Variants in ADRA2B observed in about 807,000 individuals in gnomAD.
ADRA2B encodes the protein adrenoceptor alpha 2B.
In ADRA2B, 14 loss-of-function variants were observed where a neutral mutation model predicts 14.4. That is an observed-to-expected ratio of 0.97 (90% CI 0.64 to 1.52). The LOEUF (loss-of-function observed/expected upper bound fraction) is 1.52, where lower values mean the gene tolerates loss of function less well. ADRA2B is among the 40% of genes most tolerant of loss of function. ADRA2B has a pLI of 0.00. For synonymous variants in ADRA2B, 250 were observed against 263.7 expected, an observed-to-expected ratio of 0.95 and a Z score of 0.50; for missense variants, 606 against 603.2, an observed-to-expected ratio of 1.00 and a Z score of -0.05.
At position 96,115,015 on chromosome 2, in the gene ADRA2B, C is replaced by A; in HGVS notation, c.1135G>T (p.Val379Phe). ...AAGGGGAACCAGCAGAGCACAAAAA[C>A]GCCAATGACCACAGCCAGCACGAAG... ...FTFVLAVVIG[V>F]FVLCWFPFFF... The change falls in exon 1 of 1, where the codon GTT (valine) becomes TTT (phenylalanine). Residue 379 changes from valine (V) to phenylalanine (F), a missense_variant. Physicochemically the swap from Val to Phe is conservative, Grantham distance 50. Transcript: ENST00000620793. 6.2e-7 allele frequency: 1 copy of A among 1,613,764 alleles called. No individual in the cohort carries two copies. Among genetic ancestry groups the A allele is most frequent in the Non-Finnish European group, 8.5e-7 (1 of 1,179,766 alleles).
chr2:96,116,211 G>A lies in ADRA2B; in HGVS notation c.-62C>T. On this transcript the variant is annotated 5_prime_UTR_variant, in exon 1 of 1. Coordinates refer to ENST00000620793, the MANE Select transcript of ADRA2B (RefSeq NM_000682.7). Reference sequence around the variant, plus strand: ...CCCAGTGCGCACCGTGGACGACAGCGCTGCCCGGCTCGGCTAGACAAGAGC... The same window carrying A: ...CCCAGTGCGCACCGTGGACGACAGCACTGCCCGGCTCGGCTAGACAAGAGC... 2.1e-6 allele frequency: 3 copies of A among 1,445,860 alleles called. No homozygotes were observed. Among genetic ancestry groups the A allele is most frequent in the South Asian group, 2.4e-5 (2 of 82,800 alleles). The allele number at this position is 1,445,860 out of a possible 1,614,324, so 89.6% of individuals were successfully genotyped here.
In ADRA2B at chr2:96,116,138, C is replaced by T. The variant is rs1238470549; in HGVS notation, c.12G>A (p.Gln4=). Reference sequence around the variant, plus strand: ...CTGTGGCCTGCACGGAGTAGGGGTCCTGGTGGTCCATGACGGGGCGGGAGG... The same window carrying T: ...CTGTGGCCTGCACGGAGTAGGGGTCTTGGTGGTCCATGACGGGGCGGGAGG... MDH[Q]DPYSVQATAA... Residue 4 remains glutamine, a synonymous_variant, in exon 1 of 1, where the codon CAG becomes CAA. Transcript: ENST00000620793. 1.2e-6 allele frequency: 2 copies of T among 1,610,128 alleles called. No homozygotes were observed. The highest frequency in any genetic ancestry group is 1.7e-6 in the Non-Finnish European group (2 of 1,178,818).
rs4066772 is a variant in ADRA2B at position 96,115,238 on chromosome 2, CTCCTCCTCT to C, written c.903_911del (p.Glu307_Glu309del). 496,227 of 1,557,570 alleles carry C rather than the reference CTCCTCCTCT, an allele frequency of 0.32. 81,834 individuals are homozygous for C. The highest frequency in any genetic ancestry group is 0.4 in the East Asian group (16,506 of 41,510). On this transcript the variant is annotated inframe_deletion, in exon 1 of 1. Transcript: ENST00000620793. ...GGGGTTCACACTCTTCCTCCTCCTC[CTCCTCCTCT>C]TCCTCCTCTTCAGCTTCATCCTCTG...
rs771862395 is a variant in ADRA2B at position 96,114,910 on chromosome 2, T to C, written c.1240A>G (p.Ile414Val). The C allele has an allele frequency of 3.5e-5, 56 of 1,613,912 alleles. No homozygotes were observed. In the South Asian group the frequency reaches 4.4e-4, roughly 13 times the overall value. Residue 414 changes from isoleucine to valine, a missense_variant, in exon 1 of 1, where the codon ATC becomes GTC. Transcript: ENST00000620793. ...TTCAGTGAGCTGTTGCAGTAGCCGA[T>C]CCAGAAGAAGAACTGGAAGAGGCCA... ...PHGLFQFFFW[I>V]GYCNSSLNPV...
chr2:96,115,327 C>A lies in ADRA2B; in HGVS notation c.823G>T (p.Ala275Ser). ...CCCTGGCCTGAGTTGGGAAGGGCAG[C>A]CCAACTGGGTGGCAAGGCCCGGGTC... ...TGTRALPPSW[A>S]ALPNSGQGQK... Residue 275 changes from alanine to serine, a missense_variant, in exon 1 of 1, where the codon GCT becomes TCT. Physicochemically the swap from Ala to Ser is moderately conservative, Grantham distance 99 (BLOSUM62 1). Transcript: ENST00000620793. 6.3e-7 allele frequency: 1 copy of A among 1,599,584 alleles called. No homozygotes were observed. Among genetic ancestry groups the A allele is most frequent in the Middle Eastern group, 1.7e-4 (1 of 5,996 alleles).
chr2:96,115,480 C>T lies in ADRA2B; in HGVS notation c.670G>A (p.Asp224Asn), dbSNP rs779198872. 2.2e-5 allele frequency: 35 copies of T among 1,613,326 alleles called. No homozygotes were observed. The highest frequency in any genetic ancestry group is 2.7e-5 in the Non-Finnish European group (32 of 1,179,852). Residue 224 changes from aspartate to asparagine, a missense_variant, in exon 1 of 1, where the codon GAC becomes AAC. Asp to Asn is a conservative substitution (Grantham distance 23). Coordinates refer to ENST00000620793, the MANE Select transcript of ADRA2B (RefSeq NM_000682.7). ...GCTGAGGCCAAAGCCCCACCATGGT[C>T]GGGTCGGGGCTGCTTGGACTCACCC... ...GQGESKQPRP[D>N]HGGALASAKL...
chr2:96,114,815 C>T lies in ADRA2B; in HGVS notation c.1335G>A (p.Trp445Ter), dbSNP rs751939546. Reference sequence around the variant, plus strand: ...GGCGGGCTCACCAGGCCGTCTGGGTCCACGGGCGGCACAGGATCCTCCGGA... The same window carrying T: ...GGCGGGCTCACCAGGCCGTCTGGGTTCACGGGCGGCACAGGATCCTCCGGA... ...RAFRRILCRPWTQTAW is the reference protein window; with the variant it reads ...RAFRRILCRP Residue 445 changes from tryptophan (W) to a stop codon, truncating the protein, a stop_gained, in exon 1 of 1, where the codon TGG becomes TGA. Coordinates refer to ENST00000620793, the MANE Select transcript of ADRA2B (RefSeq NM_000682.7). LOFTEE classifies it high-confidence loss of function. The T allele has an allele frequency of 1.9e-5, 31 of 1,612,592 alleles. No individual in the cohort carries two copies. The African/African-American group carries it at 3.3e-4, about 17-fold the overall frequency.
Position 96,115,188 on chromosome 2 carries a change from G to A in ADRA2B, c.962C>T (p.Ser321Leu). ...CTGCTGCAGCGGGGGGCTGCAAGCT[G>A]AGGCCGGAGACACTGGCACTGCCTG... is the stretch of plus-strand genomic sequence containing the variant. ...EPQAVPVSPA[S>L]ACSPPLQQPQ... The change falls in exon 1 of 1, where the codon TCA becomes TTA. Residue 321 changes from serine (S) to leucine (L), a missense_variant. Transcript: ENST00000620793. 1 of 1,566,686 alleles carries A rather than the reference G, an allele frequency of 6.4e-7. No homozygotes were observed.
In ADRA2B at chr2:96,115,280, C is replaced by T; in HGVS notation, c.870G>A (p.Gly290=). The change falls in exon 1 of 1, where the codon GGG becomes GGA. Residue 290 remains glycine, a synonymous_variant. Coordinates refer to ENST00000620793, the MANE Select transcript of ADRA2B (RefSeq NM_000682.7). ...CTTCAGCTTCATCCTCTGGAGATGC[C>T]CCACAAACACCCTCCTTCTGGCCCT... ...SGQGQKEGVC[G]ASPEDEAEEE... 2 of 1,572,172 alleles carry T rather than the reference C, an allele frequency of 1.3e-6. No individual in the cohort carries two copies. Among genetic ancestry groups the T allele is most frequent in the East Asian group, 2.3e-5 (1 of 42,998 alleles).
Position 96,116,093 on chromosome 2 carries a change from G to A in ADRA2B, c.57C>T (p.Ile19=). The change falls in exon 1 of 1, where the codon ATC becomes ATT. Residue 19 remains isoleucine, a synonymous_variant. Transcript: ENST00000620793. ...AGATGGTAAAGAGAATGAGGAAGGT[G>A]ATGGCCGCCGCTATGGCCGCTGTGG... is the stretch of plus-strand genomic sequence containing the variant. ...VQATAAIAAA[I]TFLILFTIFG... 6.2e-7 allele frequency: 1 copy of A among 1,612,032 alleles called. No homozygotes were observed. The highest frequency in any genetic ancestry group is 8.5e-7 in the Non-Finnish European group (1 of 1,179,484).
Position 96,114,216 on chromosome 2 carries a change from A to T in ADRA2B, c.*581T>A. The T allele has an allele frequency of 2.0e-6, 2 of 985,922 alleles. No homozygotes were observed. The highest frequency in any genetic ancestry group is 2.4e-6 in the Non-Finnish European group (2 of 830,354). 61.1% of individuals were successfully genotyped at this position (985,922 alleles called of 1,614,324 possible). A position where few individuals can be genotyped will look rare whatever the true frequency, so the allele number is the denominator to read the frequency against. On this transcript the variant is annotated 3_prime_UTR_variant, in exon 1 of 1. Coordinates refer to ENST00000620793, the MANE Select transcript of ADRA2B (RefSeq NM_000682.7). ...CAGATCCGAAAACAGGCAAAGGGGG[A>T]AAGGAGGGCCCAGAGACGATGCCAC...
chr2:96,114,806 C>T lies in ADRA2B; in HGVS notation c.1344G>A (p.Thr448=), dbSNP rs752731456. 10 of 1,611,556 alleles carry T rather than the reference C, an allele frequency of 6.2e-6. No individual in the cohort carries two copies. The highest frequency in any genetic ancestry group is 4.0e-5 in the African/African-American group (3 of 74,908). The change falls in exon 1 of 1, where the codon ACG becomes ACA. Residue 448 remains threonine (T), a synonymous_variant. Transcript: ENST00000620793. ...RRILCRPWTQ[T]AW Reference sequence around the variant, plus strand: ...GGCAGCGCAGGCGGGCTCACCAGGCCGTCTGGGTCCACGGGCGGCACAGGA... The same window carrying T: ...GGCAGCGCAGGCGGGCTCACCAGGCTGTCTGGGTCCACGGGCGGCACAGGA...
Position 96,114,282 on chromosome 2 carries a change from T to C in ADRA2B, c.*515A>G, listed in dbSNP as rs937824429. 1 of 988,984 alleles carries C rather than the reference T, an allele frequency of 1.0e-6. No homozygotes were observed. The highest frequency in any genetic ancestry group is 1.7e-5 in the African/African-American group (1 of 57,360). The allele number at this position is 988,984 out of a possible 1,614,324, so 61.3% of individuals were successfully genotyped here. Reference sequence around the variant, plus strand: ...CCCAGCGCCTGCCAGGGACCGCGAGTGCCTAGCGTGGGTGATCAGTCTTCG... The same window carrying C: ...CCCAGCGCCTGCCAGGGACCGCGAGCGCCTAGCGTGGGTGATCAGTCTTCG... On this transcript the variant is annotated 3_prime_UTR_variant, in exon 1 of 1. Coordinates refer to ENST00000620793, the MANE Select transcript of ADRA2B (RefSeq NM_000682.7).
rs1014236587 is a variant in ADRA2B, at chr2:96,113,174, G to A, written c.*1623C>T. On this transcript the variant is annotated 3_prime_UTR_variant, in exon 1 of 1. Coordinates refer to ENST00000620793, the MANE Select transcript of ADRA2B (RefSeq NM_000682.7). ...CTCTCTACACCCAGAAAACTCCCTC[G>A]GTGCCCTTCCAAATCTAGCAGGTCC... 8.0e-5 allele frequency: 32 copies of A among 398,562 alleles called. No individual in the cohort carries two copies. Among genetic ancestry groups the A allele is most frequent in the Middle Eastern group, 6.3e-4 (1 of 1,590 alleles). The allele number at this position is 398,562 out of a possible 1,614,324, so 24.7% of individuals were successfully genotyped here. A position where few individuals can be genotyped will look rare whatever the true frequency, so the allele number is the denominator to read the frequency against.
At position 96,115,430 on chromosome 2, in the gene ADRA2B, C is replaced by T; in HGVS notation, c.720G>A (p.Val240=). The T allele has an allele frequency of 6.2e-7, 1 of 1,611,636 alleles. No homozygotes were observed. The change falls in exon 1 of 1, where the codon GTG becomes GTA. Residue 240 remains valine, a synonymous_variant. Transcript: ENST00000620793. ...ASAKLPALAS[V]ASAREVNGHS... is the part of the protein sequence containing the mutation. ...GTCCGTTGACCTCTCTGGCAGAAGC[C>T]ACAGAGGCCAGGGCTGGCAGTTTGG... is the stretch of plus-strand genomic sequence containing the variant.
Position 96,113,849 on chromosome 2 carries a change from C to G in ADRA2B, c.*948G>C. The G allele has an allele frequency of 1.3e-5, 13 of 976,792 alleles. No homozygotes were observed. Among genetic ancestry groups the G allele is most frequent in the Non-Finnish European group, 1.6e-5 (13 of 821,718 alleles). 60.5% of individuals were successfully genotyped at this position (976,792 alleles called of 1,614,324 possible). ...CCAGTTCGGGGTAGGAATTCACACA[C>G]CCCAGGGACAGAACAAAAGTCTACA... is the stretch of plus-strand genomic sequence containing the variant. On this transcript the variant is annotated 3_prime_UTR_variant, in exon 1 of 1. Transcript: ENST00000620793.
At position 96,116,020 on chromosome 2, in the gene ADRA2B, G is replaced by A. The variant is rs183046877; in HGVS notation, c.130C>T (p.Arg44Cys). The A allele has an allele frequency of 4.3e-5, 70 of 1,613,548 alleles. No individual in the cohort carries two copies. The East Asian group carries it at 1.3e-3, about 30-fold the overall frequency. ...ACCAGGAACAGGTTCTGAGGGGCGC[G>A]CAGCGAGCGGCTGGTCAACACAGCC... ...ILAVLTSRSL[R>C]APQNLFLVSL... Residue 44 changes from arginine (R) to cysteine (C), a missense_variant, in exon 1 of 1, where the codon CGC (arginine) becomes TGC (cysteine). By Grantham distance (180) the Arg-to-Cys change is radical. Transcript: ENST00000620793.
In ADRA2B at chr2:96,116,292, G is replaced by A. The variant is rs757579170; in HGVS notation, c.-143C>T. The A allele has an allele frequency of 7.1e-6, 5 of 707,278 alleles. No homozygotes were observed. Among genetic ancestry groups the A allele is most frequent in the Admixed American group, 2.7e-5 (1 of 36,638 alleles). 43.8% of individuals were successfully genotyped at this position (707,278 alleles called of 1,614,324 possible). On this transcript the variant is annotated 5_prime_UTR_variant, in exon 1 of 1. Transcript: ENST00000620793. Reference sequence around the variant, plus strand: ...GAGCCCCATGGCCTGGACGAGCGGGGCCTAGGAGGTCGGGAACACCCAGGA... The same window carrying A: ...GAGCCCCATGGCCTGGACGAGCGGGACCTAGGAGGTCGGGAACACCCAGGA...
At position 96,115,762 on chromosome 2, in the gene ADRA2B, T is replaced by C; in HGVS notation, c.388A>G (p.Lys130Glu). The change falls in exon 1 of 1, where the codon AAG (lysine) becomes GAG (glutamate). Residue 130 changes from lysine to glutamate, a missense_variant. Lys to Glu is a moderately conservative substitution (Grantham distance 56). Transcript: ENST00000620793. Reference protein sequence around the residue: ...YNSKRTPRRIKCIILTVWLIA... With the variant: ...YNSKRTPRRIECIILTVWLIA... ...AGCCACACAGTGAGGATGATGCACT[T>C]GATGCGGCGCGGGGTGCGCTTGGAG... The C allele has an allele frequency of 6.2e-7, 1 of 1,612,924 alleles. No homozygotes were observed. The highest frequency in any genetic ancestry group is 8.5e-7 in the Non-Finnish European group (1 of 1,179,396).
Sources: allele counts gnomAD v4.1 joint callset, GRCh38; gene constraint gnomAD v4.1.1; transcripts MANE v1.5; gene names NCBI Gene and HGNC (gene_info 2026-07-23, HGNC 2026-07-21).